MRAS: variants seen among roughly 807,000 people sequenced by gnomAD.
MRAS encodes the protein muscle RAS oncogene homolog, also known as ras-related protein M-Ras.
In MRAS, 4 loss-of-function variants were observed where a neutral mutation model predicts 20.9. That is an observed-to-expected ratio of 0.19 (90% CI 0.09 to 0.44). The LOEUF (loss-of-function observed/expected upper bound fraction) is 0.44. Ranked by LOEUF, MRAS falls within the 20% of genes least tolerant of loss-of-function variation. The pLI is 0.99. For synonymous variants in MRAS, 98 were observed against 102.9 expected (o/e 0.95, Z 0.29); for missense variants, 154 against 277.5 (o/e 0.56, Z 3.16).
intron 1 of MRAS, chr3:138,349,622 C>T (rs1326761342): frequency 6.5e-6 from 1 of 153,056 alleles, no homozygotes; most frequent in Non-Finnish European, 1.5e-5. Flanking sequence ...AGAGCTCTGC[C>T]ATTGCCCCTA....
chr3:138,386,094 A>G (rs926123951), intron 2 of MRAS, among the ~76,000 whole-genome samples: 9 of 152,164 alleles, frequency 5.9e-5, no homozygotes, highest in African/African-American at 1.9e-4. Context: ...TAAAATTCAC[A>G]TGCAGAATTC....
At chr3:138,398,616 T>C in intron 4 of MRAS, 48 bp downstream of exon 4, 1 of 1,542,478 alleles carries the variant, frequency 6.5e-7, no homozygotes, top group Non-Finnish European at 9.0e-7. Context: ...GTGTAAAAGC[T>C]GTAGCCTGGT....
chr3:138,355,898 T>C (rs1388264784), intron 1 of MRAS, among the ~76,000 whole-genome samples: 2 of 152,172 alleles, frequency 1.3e-5, no homozygotes, highest in African/African-American at 4.8e-5. Flanking sequence ...GCCACTGTGC[T>C]TCAGCCTGGC....
rs185639162 is a variant in MRAS, at chr3:138,373,199, T to C, written c.193+123T>C. On this transcript the variant is annotated intron_variant, in intron 2 of 5. Transcript: ENST00000423968. ...TGTTGCTGTTATGGGATGGTTGATATAAAGCCGTGTGTCGTTTTCAGGGTG... is the reference window on the plus strand; with the variant it reads ...TGTTGCTGTTATGGGATGGTTGATACAAAGCCGTGTGTCGTTTTCAGGGTG... The C allele has an allele frequency of 2.5e-4, 234 of 917,878 alleles. No individual in the cohort carries two copies. In the African/African-American group the frequency reaches 3.8e-3, roughly 15 times the overall value. 56.9% of individuals were successfully genotyped at this position (917,878 alleles called of 1,614,324 possible). A position where few individuals can be genotyped will look rare whatever the true frequency, so the allele number is the denominator to read the frequency against.
At chr3:138,380,778 CT>C (rs374084868) in intron 2 of MRAS, among the ~76,000 whole-genome samples, 699 of 145,614 alleles carry the variant, frequency 4.8e-3, no homozygotes, top group Non-Finnish European at 7.8e-3. Context: ...CTTTTTTTTT[CT>C]TTTTTTTTTG....
intron 1 of MRAS, among the ~76,000 whole-genome samples, chr3:138,353,801 A>G (rs1442706759): frequency 6.6e-6 from 1 of 152,122 alleles, no homozygotes; most frequent in Non-Finnish European, 1.5e-5. Flanking sequence ...ATTGTGTTAG[A>G]TGTAGTTAAC....
chr3:138,363,821 C>A (rs865857519), intron 1 of MRAS, among the ~76,000 whole-genome samples: 46 of 73,052 alleles, frequency 6.3e-4, no homozygotes, highest in Admixed American at 3.3e-3. Flanking sequence ...GAGGATTTAC[C>A]CCCCCCCCCC....
At chr3:138,375,342 C>T (rs1268354502) in intron 2 of MRAS, among the ~76,000 whole-genome samples, 1 of 152,110 alleles carries the variant, frequency 6.6e-6, no homozygotes, top group Non-Finnish European at 1.5e-5. Context: ...CTATAGTTTT[C>T]TTGTAATGTC....
chr3:138,354,861 G>A (rs533520324), intron 1 of MRAS, among the ~76,000 whole-genome samples: 7 of 152,244 alleles, frequency 4.6e-5, no homozygotes, highest in Admixed American at 3.3e-4. Context: ...GCTTATCACA[G>A]CCTCGAACTC....
chr3:138,367,549 C>T (rs1560168583), intron 1 of MRAS, among the ~76,000 whole-genome samples: 1 of 152,166 alleles, frequency 6.6e-6, no homozygotes. Context: ...GTGATCAGTC[C>T]ACCCAGCCAC....
intron 1 of MRAS, among the ~76,000 whole-genome samples, chr3:138,350,972 G>A (rs2054215729): frequency 6.8e-6 from 1 of 147,696 alleles, no homozygotes; most frequent in African/African-American, 2.5e-5. Context: ...AAAGTGACAA[G>A]TCAGTTACCC....
chr3:138,393,179 T>A (rs1423895270), intron 2 of MRAS, among the ~76,000 whole-genome samples: 1 of 152,228 alleles, frequency 6.6e-6, no homozygotes, highest in Admixed American at 6.5e-5. Flanking sequence ...TAGTTCTACA[T>A]TATCATCTAT....
chr3:138,367,854 A>G (rs1369182730), intron 1 of MRAS, among the ~76,000 whole-genome samples: 5 of 152,252 alleles, frequency 3.3e-5, no homozygotes, highest in Non-Finnish European at 5.9e-5. Context: ...TGGGGAAAGA[A>G]AGGGAGCAAG....
intron 5 of MRAS, 104 bp downstream of exon 5, chr3:138,400,717 C>A: frequency 1.1e-6 from 1 of 927,614 alleles, no homozygotes; most frequent in Non-Finnish European, 1.7e-6. Context: ...GGCCATGAGG[C>A]TGTGGAATTC....
chr3:138,351,750 T>C (rs2054231436), intron 1 of MRAS, among the ~76,000 whole-genome samples: 1 of 152,202 alleles, frequency 6.6e-6, no homozygotes, highest in Non-Finnish European at 1.5e-5. Flanking sequence ...AGTTCCTGCA[T>C]GGGACAGGTA....
At chr3:138,385,856 TACCTGCTGGTGGAAATAA>T (rs2055001557) in intron 2 of MRAS, among the ~76,000 whole-genome samples, 1 of 152,148 alleles carries the variant, frequency 6.6e-6, no homozygotes, top group Admixed American at 6.5e-5. Flanking sequence ...ACAGCACATT[TACCTGCTGGTGGAAATAA>T]ACCAATAGAG....
intron 1 of MRAS, among the ~76,000 whole-genome samples, chr3:138,357,452 G>T (rs1027136966): frequency 1.3e-5 from 2 of 152,224 alleles, no homozygotes; most frequent in African/African-American, 4.8e-5. Context: ...CCACACTCTG[G>T]CCTTTCTTCT....
intron 4 of MRAS, 164 bp from the exon 5 acceptor site, chr3:138,400,370 G>C (rs752415504): frequency 3.2e-6 from 2 of 631,714 alleles, no homozygotes; most frequent in African/African-American, 3.6e-5. Flanking sequence ...CAACCTGAAA[G>C]AGTGAAAAGC....
intron 2 of MRAS, among the ~76,000 whole-genome samples, chr3:138,392,083 A>G (rs1244627889): frequency 6.6e-6 from 1 of 152,204 alleles, no homozygotes; most frequent in Non-Finnish European, 1.5e-5. Context: ...GGTTGCAGTG[A>G]GCCAAGATTG....
Sources: gnomAD v4.1 joint callset for allele counts (sites outside exome capture counted in the v4.1 genomes callset) on GRCh38, gnomAD v4.1.1 for gene constraint, MANE v1.5 for transcripts, NCBI Gene and HGNC (gene_info 2026-07-23, HGNC 2026-07-21) for gene names.